Variants in MRPL42 observed in about 807,000 individuals in gnomAD.
MRPL42 encodes the protein large ribosomal subunit protein mL42.
A neutral mutation model predicts 17.9 loss-of-function variants in MRPL42; 17 were observed. The ratio of observed to expected loss-of-function variants is 0.95; its 90% CI spans 0.65 to 1.42. The LOEUF (loss-of-function observed/expected upper bound fraction) is 1.42, where lower values mean the gene tolerates loss of function less well. MRPL42 is among the 40% of genes most tolerant of loss of function. The pLI is 0.00. For missense variants in MRPL42, 177 were observed against 175.2 expected (o/e 1.01, Z -0.06); for synonymous variants, 59 against 54.4 (o/e 1.08, Z -0.37).
chr12:93,476,078 AGC>A (rs1223924667), intron 2 of MRPL42, among the ~76,000 whole-genome samples: 1 of 152,236 alleles, frequency 6.6e-6, no homozygotes, highest in Non-Finnish European at 1.5e-5. Flanking sequence ...TTAAAATGTA[AGC>A]ATTTTGATTA....
At chr12:93,478,583 A>G (rs1375534270) in intron 3 of MRPL42, among the ~76,000 whole-genome samples, 2 of 152,174 alleles carry the variant, frequency 1.3e-5, no homozygotes, top group African/African-American at 4.8e-5. Flanking sequence ...AATGAGTACT[A>G]TAATAGCGAT....
At chr12:93,497,381 C>G (rs1054838502) in intron 5 of MRPL42, among the ~76,000 whole-genome samples, 6 of 152,172 alleles carry the variant, frequency 3.9e-5, no homozygotes, top group Admixed American at 3.3e-4. Flanking sequence ...ATTAATTCAC[C>G]ATGATCAAGC....
intron 2 of MRPL42, among the ~76,000 whole-genome samples, chr12:93,470,981 C>T (rs1189903810): frequency 6.6e-6 from 1 of 152,110 alleles, no homozygotes; most frequent in African/African-American, 2.4e-5. Context: ...TTTCTTATTT[C>T]CTATTTACCA....
intron 2 of MRPL42, among the ~76,000 whole-genome samples, chr12:93,469,728 A>C (rs571927449): frequency 1.9e-4 from 29 of 152,338 alleles, no homozygotes; most frequent in Non-Finnish European, 3.5e-4. Flanking sequence ...AAGATCTCCA[A>C]ATAGAAACAA....
Position 93,507,958 on chromosome 12 carries a change from T to A in MRPL42, c.*6737T>A, listed in dbSNP as rs547911732. 3.5e-3 allele frequency: 526 copies of A among 152,020 alleles called. 4 individuals are homozygous for A. The highest frequency in any genetic ancestry group is 9.8e-3 in the African/African-American group (406 of 41,320). 9.4% of individuals were successfully genotyped at this position (152,020 alleles called of 1,614,324 possible). On this transcript the variant is annotated 3_prime_UTR_variant, in exon 6 of 6. Coordinates refer to ENST00000549982, the MANE Select transcript of MRPL42 (RefSeq NM_014050.4). ...GAGAGCCCATCTGTAAAAAAAAAAA[T>A]TTTTTGAGATGGAGTTTCGCCCTTG...
chr12:93,496,808 T>G (rs12229050), intron 5 of MRPL42, among the ~76,000 whole-genome samples: 196 of 55,484 alleles, frequency 3.5e-3, no homozygotes, highest in Non-Finnish European at 4.5e-3. Flanking sequence ...CTATTTTTTT[T>G]GGGGGGGTTT....
intron 5 of MRPL42, among the ~76,000 whole-genome samples, chr12:93,492,867 G>A (rs1435688664): frequency 6.8e-6 from 1 of 147,266 alleles, no homozygotes; most frequent in Non-Finnish European, 1.5e-5. Flanking sequence ...ATTTTACGAT[G>A]ACCTTATTCT....
At chr12:93,486,433 C>T (rs549999676) in intron 4 of MRPL42, among the ~76,000 whole-genome samples, 1 of 152,300 alleles carries the variant, frequency 6.6e-6, no homozygotes, top group Middle Eastern at 3.4e-3. Context: ...CAACCTCTGC[C>T]TCCTGGGCTA....
chr12:93,496,950 G>GC (rs1241902205), intron 5 of MRPL42, among the ~76,000 whole-genome samples: 1 of 152,004 alleles, frequency 6.6e-6, no homozygotes, highest in African/African-American at 2.4e-5. Context: ...AACACTTCAA[G>GC]CACACAACTA....
At chr12:93,497,552 C>G (rs1461533992) in intron 5 of MRPL42, among the ~76,000 whole-genome samples, 1 of 152,118 alleles carries the variant, frequency 6.6e-6, no homozygotes, top group Non-Finnish European at 1.5e-5. Context: ...TGAAAATCCT[C>G]AACAAACTAG....
At chr12:93,475,115 T>C (rs1880099544) in intron 2 of MRPL42, among the ~76,000 whole-genome samples, 2 of 150,548 alleles carry the variant, frequency 1.3e-5, no homozygotes, top group South Asian at 4.2e-4. Flanking sequence ...GGAAGAAGAG[T>C]GTTTGACCTT....
chr12:93,489,756 G>C (rs971470466), intron 5 of MRPL42, among the ~76,000 whole-genome samples: 1 of 152,064 alleles, frequency 6.6e-6, no homozygotes, highest in African/African-American at 2.4e-5. Flanking sequence ...GGCTGGTCTC[G>C]AACTCCTGAC....
chr12:93,492,478 T>C (rs1017895633), intron 5 of MRPL42, among the ~76,000 whole-genome samples: 9 of 152,186 alleles, frequency 5.9e-5, no homozygotes, highest in Non-Finnish European at 1.2e-4. Flanking sequence ...GAATTACTTA[T>C]TTTTGCTTGT....
intron 4 of MRPL42, among the ~76,000 whole-genome samples, chr12:93,485,022 ATATAT>A (rs1447621944): frequency 2.3e-5 from 3 of 131,604 alleles, no homozygotes; most frequent in Non-Finnish European, 3.1e-5. Context: ...ATATATATAT[ATATAT>A]AAACAGAGAT....
chr12:93,487,955 C>G (rs1316846551), intron 5 of MRPL42: 1 of 260,362 alleles, frequency 3.8e-6, no homozygotes, highest in Non-Finnish European at 7.0e-6. Flanking sequence ...TGCCACCACA[C>G]CTGGCTAATT....
intron 5 of MRPL42, among the ~76,000 whole-genome samples, chr12:93,496,808 T>TG (rs1317377692): frequency 1.6e-4 from 9 of 55,560 alleles, no homozygotes; most frequent in African/African-American, 3.4e-4. Context: ...CTATTTTTTT[T>TG]GGGGGGGTTT....
At chr12:93,490,208 A>G (rs559229913) in intron 5 of MRPL42, among the ~76,000 whole-genome samples, 2 of 152,342 alleles carry the variant, frequency 1.3e-5, no homozygotes, top group South Asian at 4.1e-4. Context: ...CAGGGAGACT[A>G]GGAGTCTTAA....
At chr12:93,481,869 C>G (rs1226426760) in intron 4 of MRPL42, among the ~76,000 whole-genome samples, 2 of 152,170 alleles carry the variant, frequency 1.3e-5, no homozygotes, top group African/African-American at 4.8e-5. Flanking sequence ...TTTTCACAGT[C>G]CCTCATGTAT....
At chr12:93,492,714 A>G (rs934106789) in intron 5 of MRPL42, among the ~76,000 whole-genome samples, 1 of 152,286 alleles carries the variant, frequency 6.6e-6, no homozygotes, top group Non-Finnish European at 1.5e-5. Context: ...AAGACTGAAA[A>G]TGTTTGAGAC....
Sources: gnomAD v4.1 joint callset for allele counts (sites outside exome capture counted in the v4.1 genomes callset) on GRCh38, gnomAD v4.1.1 for gene constraint, MANE v1.5 for transcripts, NCBI Gene and HGNC (gene_info 2026-07-23, HGNC 2026-07-21) for gene names.